Variants in NRCAM observed in about 807,000 individuals in gnomAD.
The protein encoded by NRCAM is NgCAM-related cell adhesion molecule.
NRCAM carries 83 observed loss-of-function variants against 156.5 expected under a neutral mutation model. The ratio of observed to expected loss-of-function variants is 0.53; its 90% CI spans 0.44 to 0.64. The LOEUF (loss-of-function observed/expected upper bound fraction) is 0.64, where lower values mean the gene tolerates loss of function less well. Ranked by LOEUF, NRCAM falls within the 30% of genes least tolerant of loss-of-function variation. NRCAM has a pLI of 0.00. For missense variants in NRCAM, 1,417 were observed against 1,597.3 expected, an observed-to-expected ratio of 0.89 and a Z score of 1.92; for synonymous variants, 538 against 563.9, an observed-to-expected ratio of 0.95 and a Z score of 0.65.
In NRCAM at chr7:108,202,873, T is replaced by G. The variant is rs555838971; in HGVS notation, c.1207+4655A>C. ...CTTTTAACACAATAACGGTGTGATCTTATCCACGTTTCATGCAGAAGAGTC... is the reference window on the plus strand; with the variant it reads ...CTTTTAACACAATAACGGTGTGATCGTATCCACGTTTCATGCAGAAGAGTC... On this transcript the variant is annotated intron_variant, in intron 13 of 32. Coordinates refer to ENST00000379028, the MANE Select transcript of NRCAM (RefSeq NM_001037132.4). Among the ~76,000 whole-genome samples, 3 of 152,300 alleles carry G rather than the reference T, an allele frequency of 2.0e-5. No homozygotes were observed. The East Asian group carries it at 5.8e-4, about 29-fold the overall frequency.
At chr7:108,189,889 G>A (rs933514229) in intron 19 of NRCAM, 143 bp from the exon 20 acceptor site, 3 of 544,304 alleles carry the variant, frequency 5.5e-6, no homozygotes, top group Non-Finnish European at 9.6e-6. Flanking sequence ...AAGGAAATGT[G>A]CACAGCTGAG....
intron 3 of NRCAM, among the ~76,000 whole-genome samples, chr7:108,274,131 T>C (rs189638397): frequency 2.7e-4 from 41 of 152,368 alleles, no homozygotes; most frequent in African/African-American, 9.6e-4. Context: ...CACACTGTTT[T>C]GGTTACTGTA....
intron 3 of NRCAM, among the ~76,000 whole-genome samples, chr7:108,299,114 A>AAAAAAAAAAAAAAAAG: frequency 3.9e-5 from 1 of 25,528 alleles, no homozygotes; most frequent in African/African-American, 1.1e-4. Flanking sequence ...TCAAAAAAAA[A>AAAAAAAAAAAAAAAAG]AAAGAAAGAA....
chr7:108,331,762 G>A (rs1400431482), intron 2 of NRCAM, among the ~76,000 whole-genome samples: 3 of 152,276 alleles, frequency 2.0e-5, no homozygotes, highest in Non-Finnish European at 2.9e-5. Flanking sequence ...GGAGCTACTC[G>A]TTTACCTTCA....
intron 7 of NRCAM, among the ~76,000 whole-genome samples, chr7:108,232,038 C>T (rs1312014547): frequency 6.6e-6 from 1 of 151,866 alleles, no homozygotes; most frequent in Admixed American, 6.6e-5. Context: ...ACAGGAGATA[C>T]ATGAGAAATA....
intron 1 of NRCAM, among the ~76,000 whole-genome samples, chr7:108,421,400 GT>G (rs1356309238): frequency 6.6e-6 from 1 of 152,116 alleles, no homozygotes; most frequent in Non-Finnish European, 1.5e-5. Flanking sequence ...ATATTCAAAT[GT>G]TGATAATTAT....
chr7:108,154,662 C>G (rs1268648238), intron 32 of NRCAM, among the ~76,000 whole-genome samples: 2 of 152,040 alleles, frequency 1.3e-5, no homozygotes, highest in Non-Finnish European at 2.9e-5. Flanking sequence ...CTTTTGAAGA[C>G]CAGTCTTTAA....
At chr7:108,234,817 T>C (rs762824568) in intron 5 of NRCAM, 129 bp from the exon 6 acceptor site, 29 of 785,094 alleles carry the variant, frequency 3.7e-5, no homozygotes, top group Non-Finnish European at 6.0e-5. Context: ...TAATTTCTAG[T>C]GTAGCAGCAT....
intron 3 of NRCAM, among the ~76,000 whole-genome samples, chr7:108,309,938 T>C (rs1197695156): frequency 6.6e-6 from 1 of 152,196 alleles, no homozygotes; most frequent in African/African-American, 2.4e-5. Flanking sequence ...GGTTCACTTT[T>C]ACAAATCAAC....
chr7:108,383,779 T>A (rs2099716682), intron 2 of NRCAM, among the ~76,000 whole-genome samples: 1 of 152,158 alleles, frequency 6.6e-6, no homozygotes, highest in African/African-American at 2.4e-5. Flanking sequence ...ATATAAGAAA[T>A]AAAAACTGGA....
chr7:108,220,446 TA>T (rs2091815542), intron 11 of NRCAM, among the ~76,000 whole-genome samples: 1 of 152,150 alleles, frequency 6.6e-6, no homozygotes, highest in African/African-American at 2.4e-5. Context: ...GATTTCAAAC[TA>T]TACTATAAGG....
At chr7:108,366,497 T>C (rs2300033) in intron 2 of NRCAM, among the ~76,000 whole-genome samples, 41,645 of 152,168 alleles carry the variant, frequency 0.27, 6,335 homozygotes, top group Middle Eastern at 0.37. Flanking sequence ...AAAGACTAGC[T>C]CCACATCAGA....
chr7:108,245,194 C>T lies in NRCAM; in HGVS notation c.-106-5024G>A, dbSNP rs892498171. 1.9e-4 allele frequency among the ~76,000 whole-genome samples: 29 copies of T among 152,132 alleles called. 1 individual carries two copies. The highest frequency in any genetic ancestry group is 5.6e-4 in the African/African-American group (23 of 41,424). On this transcript the variant is annotated intron_variant, in intron 3 of 32. Transcript: ENST00000379028. ...AGTACCAGATCTAGAGCTCCAGTTC[C>T]GGAAGGTTCTGGAGCTTTTAGCCAT...
chr7:108,245,095 C>T (rs1241082982), intron 3 of NRCAM, among the ~76,000 whole-genome samples: 1 of 152,108 alleles, frequency 6.6e-6, no homozygotes, highest in Admixed American at 6.5e-5. Flanking sequence ...ACTTTTATTA[C>T]ATTTCTTAAC....
In NRCAM at chr7:108,231,072, G is replaced by A; in HGVS notation, c.509C>T (p.Pro170Leu). 2 of 1,608,210 alleles carry A rather than the reference G, an allele frequency of 1.2e-6. No homozygotes were observed. The highest frequency in any genetic ancestry group is 1.7e-6 in the Non-Finnish European group (2 of 1,175,926). The change falls in exon 8 of 33, where the codon CCA (proline) becomes CTA (leucine). Residue 170 changes from proline to leucine, a missense_variant. Physicochemically the swap from Pro to Leu is moderately conservative, Grantham distance 98. Transcript: ENST00000379028. ...TATTATAGGTGGTGGTAATCCAATT[G>A]GGGGTCTGCAGGGAAGTACTAAAGA... ...GQSLVLPCRPPIGLPPPIIFW... is the reference protein window; with the variant it reads ...GQSLVLPCRPLIGLPPPIIFW...
chr7:108,316,579 T>A (rs368387398), intron 2 of NRCAM, among the ~76,000 whole-genome samples: 1 of 151,330 alleles, frequency 6.6e-6, no homozygotes, highest in Non-Finnish European at 1.5e-5. Flanking sequence ...ATCAAGACCA[T>A]CCTGTCTAAC....
At chr7:108,428,807 T>C (rs954304316) in intron 1 of NRCAM, among the ~76,000 whole-genome samples, 5 of 152,220 alleles carry the variant, frequency 3.3e-5, no homozygotes, top group African/African-American at 1.2e-4. Flanking sequence ...TTTGCACTTA[T>C]TTTCAGTTCC....
At chr7:108,156,439 A>T in intron 32 of NRCAM, 1 of 983,636 alleles carries the variant, frequency 1.0e-6, no homozygotes, top group Non-Finnish European at 1.2e-6. Flanking sequence ...AAGGATGCAG[A>T]TCCTACTGTC....
intron 8 of NRCAM, 106 bp downstream of exon 8, chr7:108,230,925 G>T: frequency 1.2e-6 from 1 of 829,778 alleles, no homozygotes; most frequent in Non-Finnish European, 1.8e-6. Context: ...CTGTTTTCCT[G>T]AGCATCTCTA....
Sources: allele counts gnomAD v4.1 joint callset (sites outside exome capture counted in the v4.1 genomes callset), GRCh38; gene constraint gnomAD v4.1.1; transcripts MANE v1.5; gene names NCBI Gene and HGNC (gene_info 2026-07-23, HGNC 2026-07-21).